ADGRL3: variants seen among roughly 807,000 people sequenced by gnomAD.
ADGRL3 encodes the protein calcium-independent alpha-latrotoxin receptor 3.
Under a neutral mutation model 153.5 loss-of-function variants are expected in ADGRL3, and 62 were observed. The ratio of observed to expected loss-of-function variants is 0.40; its 90% CI spans 0.33 to 0.50. The LOEUF is 0.50. Among genes scored for constraint, ADGRL3 ranks in the 20% least tolerant of loss-of-function variants. ADGRL3 has a pLI of 0.47. For synonymous variants in ADGRL3, 710 were observed against 672.5 expected, an observed-to-expected ratio of 1.06 and a Z score of -0.86; for missense variants, 1,641 against 1,859.4, an observed-to-expected ratio of 0.88 and a Z score of 2.16.
chr4:61,920,007 T>C (rs998071428), intron 13 of ADGRL3, among the ~76,000 whole-genome samples: 5 of 152,306 alleles, frequency 3.3e-5, no homozygotes, highest in Middle Eastern at 6.8e-3. Context: ...ACAAAAATAT[T>C]TTCTCTCTTC....
At chr4:61,915,279 A>T (rs1234182375) in intron 13 of ADGRL3, among the ~76,000 whole-genome samples, 1 of 147,464 alleles carries the variant, frequency 6.8e-6, no homozygotes, top group Non-Finnish European at 1.5e-5. Flanking sequence ...TGTATATATA[A>T]ATATATATCA....
chr4:61,228,096 G>A (rs568283430), intron 1 of ADGRL3, among the ~76,000 whole-genome samples: 1 of 152,166 alleles, frequency 6.6e-6, no homozygotes, highest in East Asian at 1.9e-4. Context: ...TTTCACCAGC[G>A]TTTCCATTAA....
At chr4:61,495,413 C>CA (rs1335019606) in intron 2 of ADGRL3, among the ~76,000 whole-genome samples, 23 of 100,816 alleles carry the variant, frequency 2.3e-4, no homozygotes, top group African/African-American at 5.6e-4. Context: ...ATCTCCAAGA[C>CA]AAAAAAAAGA....
intron 1 of ADGRL3, among the ~76,000 whole-genome samples, chr4:61,254,304 T>C (rs1246439163): frequency 3.9e-5 from 6 of 152,118 alleles, no homozygotes; most frequent in African/African-American, 1.4e-4. Context: ...ATGGGTCAGG[T>C]AGGTGTCATT....
intron 8 of ADGRL3, among the ~76,000 whole-genome samples, chr4:61,798,998 A>AGT (rs1491437115): frequency 9.1e-5 from 6 of 66,224 alleles, no homozygotes; most frequent in Non-Finnish European, 1.8e-4. Context: ...ATATATAAAC[A>AGT]GTATATATAT....
chr4:61,823,718 A>G (rs1460607592), intron 9 of ADGRL3, among the ~76,000 whole-genome samples: 1 of 152,202 alleles, frequency 6.6e-6, no homozygotes, highest in Non-Finnish European at 1.5e-5. Context: ...GCAGTTTTTC[A>G]TGTATATGAA....
At chr4:62,025,099 TTTGA>T (rs773171739) in intron 21 of ADGRL3, among the ~76,000 whole-genome samples, 8 of 152,102 alleles carry the variant, frequency 5.3e-5, no homozygotes, top group African/African-American at 9.7e-5. Flanking sequence ...AGTATAACCA[TTTGA>T]TTGAACATTT....
intron 4 of ADGRL3, among the ~76,000 whole-genome samples, chr4:61,560,025 T>C (rs1579532818): frequency 6.6e-6 from 1 of 152,126 alleles, no homozygotes; most frequent in African/African-American, 2.4e-5. Flanking sequence ...TCCTTCAAGA[T>C]TAAGCTTCAA....
At chr4:61,880,094 G>A (rs1441392843) in intron 9 of ADGRL3, among the ~76,000 whole-genome samples, 1 of 152,106 alleles carries the variant, frequency 6.6e-6, no homozygotes, top group Non-Finnish European at 1.5e-5. Flanking sequence ...ATAAAGTGGT[G>A]CATAAGTGAT....
At chr4:61,599,764 G>A (rs1404392383) in intron 5 of ADGRL3, among the ~76,000 whole-genome samples, 2 of 152,258 alleles carry the variant, frequency 1.3e-5, no homozygotes, top group Non-Finnish European at 1.5e-5. Context: ...GCATGAATGG[G>A]ACTGAGACAA....
chr4:61,988,313 C>A (rs2099092827), intron 19 of ADGRL3, among the ~76,000 whole-genome samples: 1 of 152,068 alleles, frequency 6.6e-6, no homozygotes, highest in African/African-American at 2.4e-5. Context: ...TTAAAAAATC[C>A]ATTTTAAAAA....
At chr4:61,938,524 G>A (rs1165496668) in intron 15 of ADGRL3, among the ~76,000 whole-genome samples, 1 of 152,230 alleles carries the variant, frequency 6.6e-6, no homozygotes, top group East Asian at 1.9e-4. Flanking sequence ...AGTCCCAGAA[G>A]ATATACTAGA....
chr4:62,019,380 TATC>T (rs2099227524), intron 21 of ADGRL3, among the ~76,000 whole-genome samples: 1 of 152,124 alleles, frequency 6.6e-6, no homozygotes, highest in Non-Finnish European at 1.5e-5. Flanking sequence ...TTAACTTTAT[TATC>T]ATCAGAGAGT....
intron 18 of ADGRL3, among the ~76,000 whole-genome samples, chr4:61,980,520 A>G (rs946600312): frequency 7.9e-5 from 12 of 151,526 alleles, no homozygotes; most frequent in Non-Finnish European, 2.9e-5. Context: ...GCCCACTGCA[A>G]TCTCCACCTC....
At chr4:61,643,472 T>G (rs2150223456) in intron 5 of ADGRL3, among the ~76,000 whole-genome samples, 1 of 151,954 alleles carries the variant, frequency 6.6e-6, no homozygotes, top group South Asian at 2.1e-4. Flanking sequence ...CATCAATACC[T>G]AATTTATTGA....
At chr4:61,305,513 C>A (rs1001296532) in intron 1 of ADGRL3, among the ~76,000 whole-genome samples, 1 of 152,040 alleles carries the variant, frequency 6.6e-6, no homozygotes, top group Non-Finnish European at 1.5e-5. Context: ...TGGGGCAAAC[C>A]TTTTCTAAAT....
At chr4:61,832,838 G>T (rs1363106923) in intron 9 of ADGRL3, among the ~76,000 whole-genome samples, 2 of 148,700 alleles carry the variant, frequency 1.3e-5, no homozygotes, top group Non-Finnish European at 3.0e-5. Flanking sequence ...TAAGAGAAGG[G>T]GTCTATGTGC....
intron 4 of ADGRL3, among the ~76,000 whole-genome samples, chr4:61,522,900 T>G (rs1468514363): frequency 6.6e-6 from 1 of 152,112 alleles, no homozygotes; most frequent in East Asian, 1.9e-4. Flanking sequence ...GGTCGGAATG[T>G]CCTATAGACC....
chr4:61,945,436 G>T (rs2098916283), intron 15 of ADGRL3, among the ~76,000 whole-genome samples: 1 of 91,206 alleles, frequency 1.1e-5, no homozygotes, highest in Non-Finnish European at 2.1e-5. Flanking sequence ...GAGGCAGGCA[G>T]GCCTCCTTGA....
Sources: allele counts gnomAD v4.1 joint callset (sites outside exome capture counted in the v4.1 genomes callset), GRCh38; gene constraint gnomAD v4.1.1; transcripts MANE v1.5; gene names NCBI Gene and HGNC (gene_info 2026-07-23, HGNC 2026-07-21).